Variants in CNTNAP2 observed in about 807,000 individuals in gnomAD.
CNTNAP2 encodes the protein contactin-associated protein-like 2.
In CNTNAP2, 98 loss-of-function variants were observed where a neutral mutation model predicts 155.2. The ratio of observed to expected loss-of-function variants is 0.63; its 90% CI spans 0.54 to 0.75. The LOEUF (loss-of-function observed/expected upper bound fraction) is 0.75, where lower values mean the gene tolerates loss of function less well. Among genes scored for constraint, CNTNAP2 ranks in the 30% least tolerant of loss-of-function variants. The pLI is 0.00. For synonymous variants in CNTNAP2, 651 were observed against 631.2 expected (o/e 1.03, Z -0.47); for missense variants, 1,727 against 1,688.1 (o/e 1.02, Z -0.40).
In CNTNAP2 at chr7:147,485,932, C is replaced by T. The variant is rs1202021780; in HGVS notation, c.1671-3C>T. On this transcript the variant is annotated splice_polypyrimidine_tract_variant and splice_region_variant and intron_variant, in intron 10 of 23. Transcript: ENST00000361727. The stretch of plus-strand genomic sequence containing the variant: ...TATTTCTGTTTGTCTCTCTCTCTGA[C>T]AGATGTGTGCCCAATCACTGTGAGC... 2 of 1,613,694 alleles carry T rather than the reference C, an allele frequency of 1.2e-6. No homozygotes were observed. Among genetic ancestry groups the T allele is most frequent in the East Asian group, 2.2e-5 (1 of 44,882 alleles).
intron 1 of CNTNAP2, among the ~76,000 whole-genome samples, chr7:146,570,532 G>T (rs1798425892): frequency 1.3e-5 from 2 of 152,136 alleles, no homozygotes; most frequent in Admixed American, 1.3e-4. Flanking sequence ...TCTAAAAATT[G>T]AAGCAGGTAT....
chr7:146,550,401 GTTTTTTTTTTTTTTT>G (rs10673467), intron 1 of CNTNAP2, among the ~76,000 whole-genome samples: 3 of 54,382 alleles, frequency 5.5e-5, no homozygotes, highest in South Asian at 9.4e-4. Flanking sequence ...CCATTAATCT[GTTTTTTTTTTTTTTT>G]TTTTTTTTTT....
intron 3 of CNTNAP2, among the ~76,000 whole-genome samples, chr7:146,957,046 G>A (rs13224666): frequency 0.36 from 55,310 of 151,904 alleles, 10,593 homozygotes; most frequent in Middle Eastern, 0.43. Context: ...AACAACCGGG[G>A]TATGTTCCAA....
intron 1 of CNTNAP2, among the ~76,000 whole-genome samples, chr7:146,375,026 A>G: frequency 6.6e-6 from 1 of 152,250 alleles, no homozygotes; most frequent in African/African-American, 2.4e-5. Flanking sequence ...TAGAACCACA[A>G]AGAAACACAT....
chr7:148,120,414 G>A (rs765396018), intron 16 of CNTNAP2, among the ~76,000 whole-genome samples: 13 of 151,756 alleles, frequency 8.6e-5, no homozygotes, highest in Non-Finnish European at 1.2e-4. Flanking sequence ...CTACAGGTGC[G>A]TGGCACTGCA....
At chr7:146,472,356 T>C (rs1193001676) in intron 1 of CNTNAP2, among the ~76,000 whole-genome samples, 1 of 152,140 alleles carries the variant, frequency 6.6e-6, no homozygotes, top group African/African-American at 2.4e-5. Context: ...TAAAGAAAAA[T>C]CACATCTTTT....
chr7:147,710,922 A>G (rs1796392497), intron 13 of CNTNAP2, among the ~76,000 whole-genome samples: 1 of 152,166 alleles, frequency 6.6e-6, no homozygotes, highest in East Asian at 1.9e-4. Context: ...TGCCATTTGT[A>G]AAGGCCTCTA....
At chr7:147,029,698 G>A (rs575265840) in intron 3 of CNTNAP2, among the ~76,000 whole-genome samples, 1 of 152,164 alleles carries the variant, frequency 6.6e-6, no homozygotes, top group African/African-American at 2.4e-5. Context: ...AATAAAAATG[G>A]AAGCATATGA....
intron 12 of CNTNAP2, among the ~76,000 whole-genome samples, chr7:147,583,503 CAT>C (rs71183019): frequency 0.19 from 24,652 of 128,860 alleles, 2,282 homozygotes; most frequent in East Asian, 0.29. Flanking sequence ...AAAGACATGA[CAT>C]ATATATATAT....
At chr7:148,331,124 G>T (rs1355881427) in intron 21 of CNTNAP2, among the ~76,000 whole-genome samples, 4 of 138,448 alleles carry the variant, frequency 2.9e-5, no homozygotes, top group African/African-American at 1.1e-4. Context: ...CAATGGATGG[G>T]ATGGGTGGAT....
intron 15 of CNTNAP2, among the ~76,000 whole-genome samples, chr7:148,029,581 G>A (rs1029967439): frequency 6.6e-6 from 1 of 152,078 alleles, no homozygotes; most frequent in Non-Finnish European, 1.5e-5. Context: ...AAACACGTTG[G>A]GTAAATGGAG....
chr7:146,643,253 G>T (rs2129161792), intron 1 of CNTNAP2, among the ~76,000 whole-genome samples: 1 of 150,456 alleles, frequency 6.6e-6, no homozygotes, highest in African/African-American at 2.4e-5. Flanking sequence ...GTCCTGAATG[G>T]TAATGCCTAG....
chr7:146,995,284 C>T (rs558931903), intron 3 of CNTNAP2, among the ~76,000 whole-genome samples: 42 of 152,072 alleles, frequency 2.8e-4, no homozygotes, highest in South Asian at 2.1e-3. Context: ...TGTGAATAGA[C>T]GCTGTAATAA....
intron 14 of CNTNAP2, among the ~76,000 whole-genome samples, chr7:147,927,501 AAT>A (rs1301804495): frequency 1.3e-5 from 2 of 152,206 alleles, no homozygotes; most frequent in Non-Finnish European, 2.9e-5. Flanking sequence ...GTACTCCGTA[AAT>A]ATATACATCT....
At position 147,121,057 on chromosome 7, in the gene CNTNAP2, CTG is replaced by C; in HGVS notation, c.836_837del (p.Val279GlyfsTer3). On this transcript the variant is annotated frameshift_variant, in exon 6 of 24. Coordinates refer to ENST00000361727, the MANE Select transcript of CNTNAP2 (RefSeq NM_014141.6). LOFTEE classifies it high-confidence loss of function. ...TTGCTGGATGACCACCACTGGCACT[CTG>C]TGGTCATTGAGCGCCAGGGGCGGAG... The C allele has an allele frequency of 6.2e-7, 1 of 1,614,094 alleles. No individual in the cohort carries two copies. Among genetic ancestry groups the C allele is most frequent in the Non-Finnish European group, 8.5e-7 (1 of 1,180,004 alleles).
At chr7:146,674,684 G>A (rs556231957) in intron 1 of CNTNAP2, among the ~76,000 whole-genome samples, 28 of 152,144 alleles carry the variant, frequency 1.8e-4, no homozygotes, top group Non-Finnish European at 3.5e-4. Flanking sequence ...AGTTGGACCC[G>A]GGCCCTGTAT....
chr7:146,742,150 C>G (rs1210433740), intron 1 of CNTNAP2, among the ~76,000 whole-genome samples: 1 of 149,958 alleles, frequency 6.7e-6, no homozygotes, highest in Non-Finnish European at 1.5e-5. Context: ...TCTGCCTTTA[C>G]TTTCATGGTT....
intron 18 of CNTNAP2, among the ~76,000 whole-genome samples, chr7:148,211,540 C>T (rs771557294): frequency 2.6e-5 from 4 of 152,170 alleles, no homozygotes; most frequent in East Asian, 1.9e-4. Context: ...AGCTTGAAGT[C>T]GGACAAGGTG....
At chr7:146,708,863 C>G (rs1432313644) in intron 1 of CNTNAP2, among the ~76,000 whole-genome samples, 1 of 151,980 alleles carries the variant, frequency 6.6e-6, no homozygotes, top group African/African-American at 2.4e-5. Flanking sequence ...GCTGGGATTA[C>G]AGGCGTGAAC....
Sources: allele counts gnomAD v4.1 joint callset (sites outside exome capture counted in the v4.1 genomes callset), GRCh38; gene constraint gnomAD v4.1.1; transcripts MANE v1.5; gene names NCBI Gene and HGNC (gene_info 2026-07-23, HGNC 2026-07-21).